PRSS23: variants seen among roughly 807,000 people sequenced by gnomAD.
PRSS23 encodes the protein serine protease 23.
A neutral mutation model predicts 34.7 loss-of-function variants in PRSS23; 25 were observed. The observed-to-expected ratio is 0.72, with a 90% CI of 0.53 to 1.01. The LOEUF is 1.01. Among genes scored for constraint, PRSS23 ranks in the 50% least tolerant of loss-of-function variants. The pLI is 0.00. For synonymous variants in PRSS23, 176 were observed against 186.6 expected (o/e 0.94, Z 0.46); for missense variants, 445 against 475.6 (o/e 0.94, Z 0.60).
chr11:86,883,956 C>T (rs535769339), intron 2 of PRSS23, among the ~76,000 whole-genome samples: 1 of 152,264 alleles, frequency 6.6e-6, no homozygotes, highest in South Asian at 2.1e-4. Context: ...ATCTCTTCTA[C>T]CTCACCTTGC....
intron 2 of PRSS23, among the ~76,000 whole-genome samples, chr11:86,917,008 G>A (rs1157194981): frequency 6.6e-6 from 1 of 152,196 alleles, no homozygotes; most frequent in African/African-American, 2.4e-5. Context: ...TTTTAAATGT[G>A]CCATCCAATG....
chr11:86,858,417 T>A (rs780816351), intron 2 of PRSS23, among the ~76,000 whole-genome samples: 6 of 151,180 alleles, frequency 4.0e-5, no homozygotes, highest in Non-Finnish European at 4.4e-5. Context: ...CCGATGGGGG[T>A]GCACACAACC....
intron 2 of PRSS23, among the ~76,000 whole-genome samples, chr11:86,939,403 A>ATATATATATAT (rs1555083964): frequency 2.5e-5 from 2 of 80,540 alleles, no homozygotes; most frequent in Non-Finnish European, 2.9e-5. Context: ...TAAAAAAAAA[A>ATATATATATAT]ATATATATAT....
intron 2 of PRSS23, among the ~76,000 whole-genome samples, chr11:86,905,155 C>A (rs796101552): frequency 6.6e-6 from 1 of 152,340 alleles, no homozygotes; most frequent in African/African-American, 2.4e-5. Flanking sequence ...CCGAAATGAT[C>A]CATGTGCATA....
chr11:86,887,580 C>G (rs920451382), intron 2 of PRSS23, among the ~76,000 whole-genome samples: 2 of 152,134 alleles, frequency 1.3e-5, no homozygotes, highest in South Asian at 4.1e-4. Flanking sequence ...GTCAAATAGT[C>G]CTGATGCCCA....
intron 2 of PRSS23, among the ~76,000 whole-genome samples, chr11:86,888,123 AAAAC>A (rs796963251): frequency 1.1e-4 from 13 of 113,894 alleles, no homozygotes; most frequent in Non-Finnish European, 2.2e-4. Flanking sequence ...TTTTTAAAAA[AAAAC>A]AAAACAAAAC....
chr11:86,826,105 C>T (rs1948298554), intron 2 of PRSS23, among the ~76,000 whole-genome samples: 2 of 151,986 alleles, frequency 1.3e-5, no homozygotes, highest in East Asian at 1.9e-4. Context: ...ATTCTTCCTA[C>T]CCATGAGCAT....
downstream of PRSS23, among the ~76,000 whole-genome samples, chr11:86,811,635 C>G (rs1360141213): frequency 6.6e-6 from 1 of 151,920 alleles, no homozygotes; most frequent in African/African-American, 2.4e-5. Flanking sequence ...GTTTTTGGAC[C>G]AAAAAGGGAT....
chr11:86,882,268 G>A (rs551341007), intron 2 of PRSS23, among the ~76,000 whole-genome samples: 1 of 152,236 alleles, frequency 6.6e-6, no homozygotes, highest in South Asian at 2.1e-4. Flanking sequence ...GTAAATGCAT[G>A]TCATGAGGGT....
chr11:86,888,382 G>A (rs539324366), intron 2 of PRSS23, among the ~76,000 whole-genome samples: 1 of 152,134 alleles, frequency 6.6e-6, no homozygotes, highest in South Asian at 2.1e-4. Flanking sequence ...ATAATAAATC[G>A]TGGACACTTG....
rs570242327 is a variant in PRSS23, at chr11:86,852,243, G to A, written c.206+28650G>A. ...CATGAGCCTCCTGATAGAGGTGATG[G>A]GTGTGGAGCCCACAGGACTGGAACC... On this transcript the variant is annotated intron_variant, in intron 2 of 2. Transcript: ENST00000533902. 1.0e-3 allele frequency among the ~76,000 whole-genome samples: 152 copies of A among 152,266 alleles called. 1 individual carries two copies. The highest frequency in any genetic ancestry group is 3.5e-3 in the African/African-American group (144 of 41,544).
At chr11:86,887,834 C>T (rs1305164525) in intron 2 of PRSS23, among the ~76,000 whole-genome samples, 4 of 152,070 alleles carry the variant, frequency 2.6e-5, no homozygotes, top group African/African-American at 9.7e-5. Context: ...GGCAGATCAC[C>T]TGAGGTCAGG....
chr11:86,843,119 C>T (rs1328058057), intron 2 of PRSS23, among the ~76,000 whole-genome samples: 1 of 152,038 alleles, frequency 6.6e-6, no homozygotes, highest in Admixed American at 6.6e-5. Flanking sequence ...TAACACCACT[C>T]ATCTACAACC....
chr11:86,837,903 G>C (rs1471472529), intron 2 of PRSS23, among the ~76,000 whole-genome samples: 1 of 152,150 alleles, frequency 6.6e-6, no homozygotes, highest in Admixed American at 6.6e-5. Flanking sequence ...TTCCAACTGA[G>C]GTACCTGGTT....
At chr11:86,823,903 G>A (rs1948274623) in intron 2 of PRSS23, among the ~76,000 whole-genome samples, 1 of 147,120 alleles carries the variant, frequency 6.8e-6, no homozygotes, top group South Asian at 2.2e-4. Context: ...CTACTCGGGA[G>A]GCTGAGGCAG....
intron 2 of PRSS23, among the ~76,000 whole-genome samples, chr11:86,876,084 A>G (rs1364432314): frequency 6.6e-6 from 1 of 152,244 alleles, no homozygotes; most frequent in African/African-American, 2.4e-5. Flanking sequence ...TTTTCCACAC[A>G]GTGCAATGCA....
At chr11:86,851,202 C>G (rs896847610) in intron 2 of PRSS23, among the ~76,000 whole-genome samples, 2 of 152,168 alleles carry the variant, frequency 1.3e-5, no homozygotes, top group African/African-American at 2.4e-5. Context: ...TAACCATAGC[C>G]ATATCTGAGT....
chr11:86,890,763 T>C (rs2134972246), intron 2 of PRSS23, among the ~76,000 whole-genome samples: 2 of 152,344 alleles, frequency 1.3e-5, no homozygotes, highest in East Asian at 3.9e-4. Flanking sequence ...GTGGTTGCAG[T>C]TTCCTGCTTA....
rs752473430 is a variant in PRSS23 at position 86,807,997 on chromosome 11, A to G, written c.354A>G (p.Ser118=). The G allele has an allele frequency of 5.6e-6, 9 of 1,614,058 alleles. No homozygotes were observed. The Admixed American group carries it at 6.7e-5, about 12-fold the overall frequency. The change falls in exon 2 of 2, where the codon TCA becomes TCG. Residue 118 remains serine, a synonymous_variant. Transcript: ENST00000280258. ...GAGATGGGGCCCAACACCGAGACTCAGGGTCTTCAGGAAAGTCTCGAAGGA... is the reference window on the plus strand; with the variant it reads ...GAGATGGGGCCCAACACCGAGACTCGGGGTCTTCAGGAAAGTCTCGAAGGA... ...SSGDGAQHRD[S]GSSGKSRRKR...
Sources: gnomAD v4.1 joint callset for allele counts (sites outside exome capture counted in the v4.1 genomes callset) on GRCh38, gnomAD v4.1.1 for gene constraint, MANE v1.5 for transcripts, NCBI Gene and HGNC (gene_info 2026-07-23, HGNC 2026-07-21) for gene names.